The following SH3GL3 variants were observed in gnomAD, a reference collection of about 807,000 sequenced individuals.
SH3GL3 encodes the protein endophilin-A3.
In SH3GL3, 33 loss-of-function variants were observed where a neutral mutation model predicts 47.7. The observed-to-expected ratio is 0.69, with a 90% CI of 0.52 to 0.92. SH3GL3 has a LOEUF of 0.92. Among genes scored for constraint, SH3GL3 ranks in the 40% least tolerant of loss-of-function variants. SH3GL3 has a pLI of 0.00. For missense variants in SH3GL3, 363 were observed against 417.8 expected (o/e 0.87, Z 1.14); for synonymous variants, 155 against 148.8 (o/e 1.04, Z -0.30).
At chr15:83,565,269 G>T in intron 3 of SH3GL3, 63 bp downstream of exon 3, 1 of 917,004 alleles carries the variant, frequency 1.1e-6, no homozygotes, top group Non-Finnish European at 1.8e-6. Context: ...ATGTTTACTT[G>T]GTGTTTAGTT....
chr15:83,633,198 T>C, the SH3GL3 span, among the ~76,000 whole-genome samples: 6 of 152,304 alleles, frequency 3.9e-5, no homozygotes, highest in Admixed American at 3.9e-4. Context: ...GATTTGGTAT[T>C]ACAGAAAATG....
chr15:83,497,453 C>G (rs2042126868), intron 1 of SH3GL3, among the ~76,000 whole-genome samples: 2 of 152,144 alleles, frequency 1.3e-5, no homozygotes, highest in African/African-American at 4.8e-5. Flanking sequence ...AGCTCAGGGC[C>G]CTTGTCCACT....
intron 1 of SH3GL3, among the ~76,000 whole-genome samples, chr15:83,496,476 G>T (rs888228290): frequency 2.0e-5 from 3 of 151,962 alleles, no homozygotes; most frequent in Non-Finnish European, 2.9e-5. Flanking sequence ...GTAGACATTA[G>T]CCTCATTTTA....
At chr15:83,544,645 T>C (rs1056711038) in intron 1 of SH3GL3, among the ~76,000 whole-genome samples, 1 of 152,174 alleles carries the variant, frequency 6.6e-6, no homozygotes, top group African/African-American at 2.4e-5. Context: ...TTCTTTCAGA[T>C]TGAAAAACTC....
At chr15:83,591,289 T>A (rs2060090137) in intron 8 of SH3GL3, among the ~76,000 whole-genome samples, 2 of 152,202 alleles carry the variant, frequency 1.3e-5, no homozygotes, top group South Asian at 4.1e-4. Flanking sequence ...ATTACAGGTG[T>A]TGAGCTACCA....
chr15:83,450,120 T>C (rs1256150761), intron 1 of SH3GL3, among the ~76,000 whole-genome samples: 1 of 152,236 alleles, frequency 6.6e-6, no homozygotes, highest in Non-Finnish European at 1.5e-5. Flanking sequence ...TTAACCCATC[T>C]GGACCTTGGT....
At chr15:83,582,859 A>G (rs940376523) in intron 6 of SH3GL3, among the ~76,000 whole-genome samples, 1 of 152,220 alleles carries the variant, frequency 6.6e-6, no homozygotes, top group African/African-American at 2.4e-5. Context: ...AGTGGAGAAT[A>G]AAAGTGTAAG....
At chr15:83,530,134 A>G (rs2043602200) in intron 1 of SH3GL3, among the ~76,000 whole-genome samples, 1 of 152,174 alleles carries the variant, frequency 6.6e-6, no homozygotes, top group East Asian at 1.9e-4. Flanking sequence ...ATCCCAGGGC[A>G]GGATGCCCTG....
At chr15:83,501,641 C>T (rs2042299589) in intron 1 of SH3GL3, among the ~76,000 whole-genome samples, 1 of 152,194 alleles carries the variant, frequency 6.6e-6, no homozygotes, top group Non-Finnish European at 1.5e-5. Context: ...CCTGTAATCC[C>T]AGCACTTTGG....
At chr15:83,473,468 G>A (rs1181277042) in intron 1 of SH3GL3, among the ~76,000 whole-genome samples, 1 of 151,998 alleles carries the variant, frequency 6.6e-6, no homozygotes, top group Non-Finnish European at 1.5e-5. Context: ...TTCTTCCTTG[G>A]CTGCCCCTTG....
chr15:83,615,482 CTT>C (rs981821463), intron 8 of SH3GL3, among the ~76,000 whole-genome samples: 12 of 152,122 alleles, frequency 7.9e-5, no homozygotes, highest in South Asian at 6.2e-4. Context: ...GCCTGGCTAA[CTT>C]TTGTATTTTT....
At chr15:83,606,834 A>G (rs1674242366) in intron 8 of SH3GL3, among the ~76,000 whole-genome samples, 1 of 152,244 alleles carries the variant, frequency 6.6e-6, no homozygotes, top group South Asian at 2.1e-4. Context: ...CTGTGGCTGT[A>G]GTAGTTGTCT....
chr15:83,575,422 A>G (rs193147870), intron 5 of SH3GL3, among the ~76,000 whole-genome samples: 65 of 152,342 alleles, frequency 4.3e-4, no homozygotes, highest in Non-Finnish European at 7.1e-4. Flanking sequence ...TCTAAATGCC[A>G]TCTTGTTACT....
At chr15:83,553,682 A>G (rs576551568) in intron 1 of SH3GL3, among the ~76,000 whole-genome samples, 1 of 152,260 alleles carries the variant, frequency 6.6e-6, no homozygotes, top group South Asian at 2.1e-4. Flanking sequence ...ATGATGTCTA[A>G]AGTTATACCC....
At chr15:83,506,913 G>A (rs1397247987) in intron 1 of SH3GL3, among the ~76,000 whole-genome samples, 3 of 151,380 alleles carry the variant, frequency 2.0e-5, no homozygotes, top group Admixed American at 2.0e-4. Flanking sequence ...TCTGTTTACC[G>A]TAACAGGTTT....
intron 6 of SH3GL3, among the ~76,000 whole-genome samples, chr15:83,577,067 C>T (rs138911338): frequency 6.6e-6 from 1 of 151,742 alleles, no homozygotes; most frequent in Non-Finnish European, 1.5e-5. Flanking sequence ...CGCACCACCA[C>T]ACTCGGCTAA....
At chr15:83,472,859 G>A (rs1400270967) in intron 1 of SH3GL3, among the ~76,000 whole-genome samples, 1 of 152,156 alleles carries the variant, frequency 6.6e-6, no homozygotes, top group Non-Finnish European at 1.5e-5. Context: ...GCTCTGGTAG[G>A]GGACATGGGG....
chr15:83,449,619 G>T lies in SH3GL3; in HGVS notation c.45+2041G>T, dbSNP rs531970243. On this transcript the variant is annotated intron_variant, in intron 1 of 8. Coordinates refer to ENST00000427482, the MANE Select transcript of SH3GL3 (RefSeq NM_003027.5). Reference sequence around the variant, plus strand: ...TGGTTGAAATCCTTGGAAGTTATTGGCACTGGAGAAATATTTTGCTAGTCA... The same window carrying T: ...TGGTTGAAATCCTTGGAAGTTATTGTCACTGGAGAAATATTTTGCTAGTCA... Among the ~76,000 whole-genome samples, 7 of 152,230 alleles carry T rather than the reference G, an allele frequency of 4.6e-5. No individual in the cohort carries two copies. The South Asian group carries it at 1.5e-3, about 32-fold the overall frequency.
chr15:83,623,202 G>A (rs80071893), downstream of SH3GL3, among the ~76,000 whole-genome samples: 6 of 152,268 alleles, frequency 3.9e-5, no homozygotes, highest in East Asian at 3.9e-4. Context: ...TCATAAGATC[G>A]TGCTACTGTT....
Sources: allele counts gnomAD v4.1 joint callset (sites outside exome capture counted in the v4.1 genomes callset), GRCh38; gene constraint gnomAD v4.1.1; transcripts MANE v1.5; gene names NCBI Gene and HGNC (gene_info 2026-07-23, HGNC 2026-07-21).